AUTS2: variants seen among roughly 807,000 people sequenced by gnomAD.
AUTS2 encodes autism susceptibility gene 2 protein.
AUTS2 carries 17 observed loss-of-function variants against 112.4 expected under a neutral mutation model. The observed-to-expected ratio is 0.15, with a 90% CI of 0.10 to 0.23. The LOEUF (loss-of-function observed/expected upper bound fraction) is 0.23, where lower values mean the gene tolerates loss of function less well. Ranked by LOEUF, AUTS2 falls within the 10% of genes least tolerant of loss-of-function variation. AUTS2 has a pLI of 1.00. For synonymous variants in AUTS2, 751 were observed against 702.7 expected (o/e 1.07, Z -1.09); for missense variants, 1,510 against 1,701.6 (o/e 0.89, Z 1.98).
At chr7:70,496,237 T>TCACACA (rs1213694004) in intron 5 of AUTS2, among the ~76,000 whole-genome samples, 1 of 25,684 alleles carries the variant, frequency 3.9e-5, no homozygotes, top group African/African-American at 1.7e-4. Flanking sequence ...ACGTACACAG[T>TCACACA]CACACACACA....
At chr7:69,606,006 A>G (rs1792693583) in intron 1 of AUTS2, among the ~76,000 whole-genome samples, 1 of 152,232 alleles carries the variant, frequency 6.6e-6, no homozygotes, top group Admixed American at 6.5e-5. Flanking sequence ...TGATGATTCC[A>G]TGCAGCTTTT....
intron 1 of AUTS2, among the ~76,000 whole-genome samples, chr7:69,682,316 G>A (rs1249587637): frequency 1.3e-5 from 2 of 152,180 alleles, no homozygotes; most frequent in African/African-American, 4.8e-5. Flanking sequence ...CTTCAGTGTC[G>A]TGTTTAGAGC....
chr7:70,373,698 T>A (rs2129630844), intron 4 of AUTS2, among the ~76,000 whole-genome samples: 1 of 152,278 alleles, frequency 6.6e-6, no homozygotes, highest in Admixed American at 6.5e-5. Flanking sequence ...TCTGCTAAAA[T>A]ATACTTTTTT....
chr7:69,674,260 G>A (rs969928146), intron 1 of AUTS2, among the ~76,000 whole-genome samples: 4 of 152,198 alleles, frequency 2.6e-5, no homozygotes, highest in African/African-American at 9.6e-5. Context: ...ATAGGCAAGT[G>A]GACAAAAATT....
intron 2 of AUTS2, among the ~76,000 whole-genome samples, chr7:70,019,941 A>G (rs1488214311): frequency 1.3e-5 from 2 of 152,176 alleles, no homozygotes; most frequent in Non-Finnish European, 2.9e-5. Context: ...CTCAGTTCTA[A>G]TGCTGGCTTT....
chr7:70,588,120 G>A (rs38319), intron 5 of AUTS2, among the ~76,000 whole-genome samples: 19,977 of 152,204 alleles, frequency 0.13, 1,628 homozygotes, highest in Non-Finnish European at 0.18. Context: ...GGTTACACTC[G>A]TAATGCTCTG....
In AUTS2 at chr7:70,213,295, G is replaced by A. The variant is rs143634258; in HGVS notation, c.660+78724G>A. ...TAATACCAGTACTTTGTGAGTCTGAGGCAGTAGGATTGCTTGAGGCCAGGA... is the reference window on the plus strand; with the variant it reads ...TAATACCAGTACTTTGTGAGTCTGAAGCAGTAGGATTGCTTGAGGCCAGGA... On this transcript the variant is annotated intron_variant, in intron 4 of 18. Coordinates refer to ENST00000342771, the MANE Select transcript of AUTS2 (RefSeq NM_015570.4). Among the ~76,000 whole-genome samples, 5 of 151,762 alleles carry A rather than the reference G, an allele frequency of 3.3e-5. No individual in the cohort carries two copies. In the East Asian group the frequency reaches 9.7e-4, roughly 30 times the overall value.
intron 4 of AUTS2, among the ~76,000 whole-genome samples, chr7:70,382,124 C>T (rs1793393591): frequency 6.6e-6 from 1 of 152,164 alleles, no homozygotes; most frequent in African/African-American, 2.4e-5. Flanking sequence ...TCAAGCTCAA[C>T]GTGTCTGTAA....
At chr7:69,793,400 AAC>A (rs1277015160) in intron 1 of AUTS2, among the ~76,000 whole-genome samples, 4 of 152,348 alleles carry the variant, frequency 2.6e-5, no homozygotes, top group Middle Eastern at 6.8e-3. Context: ...AGATAAGTAA[AAC>A]ACAGTTTCCA....
rs186403517 is a variant in AUTS2 at position 70,086,338 on chromosome 7, T to C, written c.523-31794T>C. 1.8e-3 allele frequency among the ~76,000 whole-genome samples: 279 copies of C among 152,272 alleles called. 3 individuals carry two copies. Among genetic ancestry groups the C allele is most frequent in the African/African-American group, 6.5e-3 (272 of 41,560 alleles). On this transcript the variant is annotated intron_variant, in intron 2 of 18. Coordinates refer to ENST00000342771, the MANE Select transcript of AUTS2 (RefSeq NM_015570.4). Reference sequence around the variant, plus strand: ...TTATTTCTTTAGATTTTCTTTAACTTCTCTCAGAAAAGTTCTGCAGTGGCC... The same window carrying C: ...TTATTTCTTTAGATTTTCTTTAACTCCTCTCAGAAAAGTTCTGCAGTGGCC...
chr7:69,823,839 A>G (rs1791114807), intron 1 of AUTS2, among the ~76,000 whole-genome samples: 1 of 152,180 alleles, frequency 6.6e-6, no homozygotes, highest in Non-Finnish European at 1.5e-5. Context: ...TCATATGAAC[A>G]TTGACAGTGA....
At chr7:70,489,205 A>G (rs1474726300) in intron 5 of AUTS2, among the ~76,000 whole-genome samples, 1 of 152,250 alleles carries the variant, frequency 6.6e-6, no homozygotes, top group Non-Finnish European at 1.5e-5. Context: ...CAAATTAAAG[A>G]AAGTTATTGA....
chr7:70,318,321 C>A (rs539960629), intron 4 of AUTS2, among the ~76,000 whole-genome samples: 1 of 151,820 alleles, frequency 6.6e-6, no homozygotes, highest in African/African-American at 2.4e-5. Context: ...GGAGCAAGGA[C>A]GTGGGCTAGA....
chr7:70,481,834 T>C (rs188080357), intron 5 of AUTS2, among the ~76,000 whole-genome samples: 1 of 152,226 alleles, frequency 6.6e-6, no homozygotes, highest in Admixed American at 6.5e-5. Flanking sequence ...GTCTGAAAAA[T>C]CATTAAAGCT....
At chr7:70,205,233 A>G (rs1810510451) in intron 4 of AUTS2, among the ~76,000 whole-genome samples, 2 of 152,044 alleles carry the variant, frequency 1.3e-5, no homozygotes, top group Admixed American at 6.6e-5. Flanking sequence ...TTTTTTGTAG[A>G]CATGGGATCT....
At chr7:69,829,153 A>G (rs77427231) in intron 1 of AUTS2, among the ~76,000 whole-genome samples, 1 of 152,194 alleles carries the variant, frequency 6.6e-6, no homozygotes, top group Admixed American at 6.5e-5. Context: ...AGGATTCCCT[A>G]TTTAATAAAT....
At chr7:69,756,123 C>T (rs887322007) in intron 1 of AUTS2, among the ~76,000 whole-genome samples, 2 of 152,172 alleles carry the variant, frequency 1.3e-5, no homozygotes, top group African/African-American at 4.8e-5. Flanking sequence ...CCATTGCAAC[C>T]CTGTGTAATA....
intron 2 of AUTS2, among the ~76,000 whole-genome samples, chr7:69,936,302 A>G (rs1329048466): frequency 6.6e-6 from 1 of 152,004 alleles, no homozygotes; most frequent in Non-Finnish European, 1.5e-5. Flanking sequence ...TGTTCTTTCT[A>G]CTTGGCTTAC....
intron 2 of AUTS2, among the ~76,000 whole-genome samples, chr7:70,057,195 C>T (rs564590175): frequency 2.0e-5 from 3 of 152,190 alleles, no homozygotes; most frequent in African/African-American, 2.4e-5. Flanking sequence ...TGTATCCTTG[C>T]GGCTCTGCTT....
Sources: gnomAD v4.1 joint callset for allele counts (sites outside exome capture counted in the v4.1 genomes callset) on GRCh38, gnomAD v4.1.1 for gene constraint, MANE v1.5 for transcripts, NCBI Gene and HGNC (gene_info 2026-07-23, HGNC 2026-07-21) for gene names.